CDK19: variants seen among roughly 807,000 people sequenced by gnomAD.
CDK19 encodes cyclin dependent kinase 19, also known as cyclin-dependent kinase 19.
CDK19 carries 20 observed loss-of-function variants against 68.3 expected under a neutral mutation model. The ratio of observed to expected loss-of-function variants is 0.29; its 90% CI spans 0.21 to 0.43. The LOEUF (loss-of-function observed/expected upper bound fraction) is 0.43, where lower values mean the gene tolerates loss of function less well. CDK19 is among the 20% of genes least tolerant of loss of function. The pLI is 1.00. For missense variants in CDK19, 339 were observed against 623.5 expected (o/e 0.54, Z 4.86); for synonymous variants, 221 against 222.8 (o/e 0.99, Z 0.07).
chr6:110,715,350 A>G (rs534058997), intron 2 of CDK19, among the ~76,000 whole-genome samples: 1 of 152,358 alleles, frequency 6.6e-6, no homozygotes, highest in Non-Finnish European at 1.5e-5. Context: ...AAACTAAACC[A>G]ACATTTTCTG....
intron 1 of CDK19, among the ~76,000 whole-genome samples, chr6:110,780,008 A>G (rs1037863392): frequency 2.0e-5 from 3 of 152,116 alleles, no homozygotes; most frequent in African/African-American, 7.2e-5. Context: ...TCACAAGGTC[A>G]AGAGATTGAG....
intron 4 of CDK19, among the ~76,000 whole-genome samples, chr6:110,644,483 T>C (rs961292086): frequency 2.0e-5 from 3 of 152,170 alleles, no homozygotes; most frequent in Non-Finnish European, 4.4e-5. Context: ...AATACTAATT[T>C]AATTGTACTT....
intron 1 of CDK19, among the ~76,000 whole-genome samples, chr6:110,779,009 T>C (rs570782425): frequency 1.3e-5 from 2 of 152,298 alleles, no homozygotes; most frequent in East Asian, 3.9e-4. Context: ...GTGAGAAATA[T>C]ACCTCTATTT....
At chr6:110,619,900 A>G (rs1016728701) in intron 12 of CDK19, among the ~76,000 whole-genome samples, 1 of 152,156 alleles carries the variant, frequency 6.6e-6, no homozygotes, top group Admixed American at 6.5e-5. Flanking sequence ...GTGTTTAGGC[A>G]AATTATTATT....
chr6:110,780,671 C>A (rs140777177), intron 1 of CDK19, among the ~76,000 whole-genome samples: 98 of 152,082 alleles, frequency 6.4e-4, no homozygotes, highest in African/African-American at 1.9e-3. Flanking sequence ...ATCTCTACAA[C>A]AAATATTTAT....
intron 2 of CDK19, among the ~76,000 whole-genome samples, chr6:110,715,888 GA>G (rs1775348842): frequency 6.6e-6 from 1 of 152,148 alleles, no homozygotes; most frequent in African/African-American, 2.4e-5. Context: ...TTAAGTAACA[GA>G]AAACAACGGA....
intron 2 of CDK19, among the ~76,000 whole-genome samples, chr6:110,707,896 C>T (rs1396298002): frequency 6.6e-6 from 1 of 152,030 alleles, no homozygotes; most frequent in Admixed American, 6.6e-5. Flanking sequence ...CTCTTGAACC[C>T]GGGAGGCAGA....
At chr6:110,709,921 A>C (rs1774818190) in intron 2 of CDK19, among the ~76,000 whole-genome samples, 1 of 152,220 alleles carries the variant, frequency 6.6e-6, no homozygotes, top group Admixed American at 6.5e-5. Flanking sequence ...ACACATCTGA[A>C]TATCACTATG....
chr6:110,790,748 A>G (rs1177539057), intron 1 of CDK19, among the ~76,000 whole-genome samples: 3 of 152,196 alleles, frequency 2.0e-5, no homozygotes, highest in South Asian at 2.1e-4. Flanking sequence ...TCAGAAAAAC[A>G]AAGTTTTAAC....
chr6:110,653,998 A>G (rs1431145987), intron 4 of CDK19, among the ~76,000 whole-genome samples: 3 of 152,252 alleles, frequency 2.0e-5, no homozygotes, highest in African/African-American at 7.2e-5. Flanking sequence ...AGTACCAATA[A>G]AGAGAGAAAA....
At chr6:110,760,490 G>C (rs924512757) in intron 1 of CDK19, among the ~76,000 whole-genome samples, 3 of 151,636 alleles carry the variant, frequency 2.0e-5, no homozygotes, top group African/African-American at 7.3e-5. Flanking sequence ...AACTTTGGGA[G>C]GCTGAGGCGG....
At chr6:110,694,302 TATGCAAAAGGAAACTATGTTTCC>T (rs145878850) in intron 2 of CDK19, among the ~76,000 whole-genome samples, 4,258 of 152,196 alleles carry the variant, frequency 0.028, 82 homozygotes, top group South Asian at 0.083. Flanking sequence ...TAGAAAAAGA[TATGCAAAAGGAAACTATGTTTCC>T]ATGCAAAAGG....
chr6:110,673,493 T>C (rs9374192), intron 2 of CDK19, among the ~76,000 whole-genome samples: 27,063 of 151,834 alleles, frequency 0.18, 3,341 homozygotes, highest in East Asian at 0.67. Context: ...CTATGGTAAC[T>C]CTATGTTTAA....
chr6:110,782,199 C>T (rs1780871822), intron 1 of CDK19, among the ~76,000 whole-genome samples: 1 of 152,184 alleles, frequency 6.6e-6, no homozygotes, highest in Non-Finnish European at 1.5e-5. Flanking sequence ...AAAGGACAGA[C>T]TTTCCACTCT....
chr6:110,646,018 C>G (rs757652637), intron 4 of CDK19: 4 of 987,202 alleles, frequency 4.1e-6, no homozygotes, highest in Non-Finnish European at 6.2e-6. Context: ...GGTGTGCGGT[C>G]GCGGGACCTG....
intron 2 of CDK19, among the ~76,000 whole-genome samples, chr6:110,716,266 A>G (rs1289458874): frequency 6.6e-6 from 1 of 152,200 alleles, no homozygotes; most frequent in Admixed American, 6.5e-5. Context: ...TTTTTATTAG[A>G]GTACGTAGCA....
chr6:110,634,175 C>T (rs556917147), intron 5 of CDK19, among the ~76,000 whole-genome samples: 59 of 152,150 alleles, frequency 3.9e-4, no homozygotes, highest in Non-Finnish European at 7.2e-4. Context: ...ATAAGCAGAA[C>T]AGGCAAAAAA....
intron 1 of CDK19, among the ~76,000 whole-genome samples, chr6:110,767,228 G>T (rs575203847): frequency 6.6e-6 from 1 of 152,018 alleles, no homozygotes; most frequent in African/African-American, 2.4e-5. Context: ...GAAGGGCCAG[G>T]GGATGGGGAG....
At chr6:110,723,732 T>C (rs1214401648) in intron 2 of CDK19, among the ~76,000 whole-genome samples, 1 of 152,206 alleles carries the variant, frequency 6.6e-6, no homozygotes, top group East Asian at 1.9e-4. Context: ...TAAATAAGTC[T>C]CACAGAAATT....
Sources: allele counts gnomAD v4.1 joint callset (sites outside exome capture counted in the v4.1 genomes callset), GRCh38; gene constraint gnomAD v4.1.1; transcripts MANE v1.5; gene names NCBI Gene and HGNC (gene_info 2026-07-23, HGNC 2026-07-21).